SCOC: variants seen among roughly 807,000 people sequenced by gnomAD.
SCOC encodes the protein short coiled-coil protein.
Under a neutral mutation model 9.9 loss-of-function variants are expected in SCOC, and 7 were observed. The observed-to-expected ratio is 0.71, with a 90% CI of 0.40 to 1.33. The LOEUF (loss-of-function observed/expected upper bound fraction) is 1.33. Ranked by LOEUF, SCOC falls within the 40% of genes most tolerant of loss-of-function variation. The pLI, the probability that SCOC is intolerant of heterozygous loss-of-function variation, is 0.01. For missense variants in SCOC, 66 were observed against 89.7 expected (o/e 0.74, Z 1.07); for synonymous variants, 19 against 28.2 (o/e 0.67, Z 1.03).
chr4:140,283,095 C>A (rs916066583), intron 1 of SCOC, among the ~76,000 whole-genome samples: 13 of 152,170 alleles, frequency 8.5e-5, no homozygotes, highest in Non-Finnish European at 1.8e-4. Context: ...CAGGTTTATA[C>A]ATTTTCTTTC....
At chr4:140,298,902 T>A (rs930966503) in intron 1 of SCOC, among the ~76,000 whole-genome samples, 9 of 152,170 alleles carry the variant, frequency 5.9e-5, no homozygotes, top group Non-Finnish European at 7.4e-5. Context: ...TGCAGCCTCG[T>A]CCTCCTGGGG....
chr4:140,362,306 T>TCTTCTTCTTCTTC (rs1276341362), intron 2 of SCOC, among the ~76,000 whole-genome samples: 1 of 52,536 alleles, frequency 1.9e-5, no homozygotes, highest in Non-Finnish European at 4.4e-5. Flanking sequence ...CTTCTTTTTT[T>TCTTCTTCTTCTTC]TTTTTTTTTG....
intron 1 of SCOC, among the ~76,000 whole-genome samples, chr4:140,294,487 C>T (rs918684128): frequency 5.9e-5 from 9 of 152,066 alleles, no homozygotes; most frequent in African/African-American, 1.2e-4. Context: ...AAAAATGGGC[C>T]CTAGAGAGTT....
At position 140,344,298 on chromosome 4, in the gene SCOC, C is replaced by T. The variant is rs191666862; in HGVS notation, c.70+590C>T. 2.7e-3 allele frequency among the ~76,000 whole-genome samples: 409 copies of T among 152,238 alleles called. 3 individuals carry two copies. The highest frequency in any genetic ancestry group is 9.1e-3 in the African/African-American group (380 of 41,540). ...GTTAACTGGAAACACTTCAAACCTA[C>T]AAGCACCCAAGTCCTTGGGTGTGTG... On this transcript the variant is annotated intron_variant, in intron 2 of 4. Coordinates refer to the SCOC transcript ENST00000338517.
intron 1 of SCOC, among the ~76,000 whole-genome samples, chr4:140,337,465 G>A (rs1024909568): frequency 6.6e-6 from 1 of 152,152 alleles, no homozygotes; most frequent in South Asian, 2.1e-4. Context: ...TGTGGTACTG[G>A]CATAAAAGTA....
At chr4:140,276,163 C>T (rs530528025) in intron 1 of SCOC, among the ~76,000 whole-genome samples, 6 of 152,186 alleles carry the variant, frequency 3.9e-5, no homozygotes, top group African/African-American at 7.2e-5. Flanking sequence ...CCACCACGCC[C>T]GTCTAAATTT....
At chr4:140,258,326 C>A (rs1268382473) in intron 1 of SCOC, among the ~76,000 whole-genome samples, 1 of 152,230 alleles carries the variant, frequency 6.6e-6, no homozygotes, top group Non-Finnish European at 1.5e-5. Context: ...GAAGTACAAC[C>A]TCATCTACCA....
In SCOC at chr4:140,382,892, G is replaced by C. The variant is rs1015992968; in HGVS notation, c.*1788G>C. The C allele has an allele frequency of 6.6e-6, 1 of 152,214 alleles. No individual in the cohort carries two copies. The highest frequency in any genetic ancestry group is 2.1e-4 in the South Asian group (1 of 4,836). The allele number at this position is 152,214 out of a possible 1,614,324, so 9.4% of individuals were successfully genotyped here. On this transcript the variant is annotated 3_prime_UTR_variant, in exon 4 of 4. Transcript: ENST00000608372. ...ATAGAAGTTTCTCTCCCAACCAGTG[G>C]TTCCAAGGTCAGCATTGCAGGCTAG...
At chr4:140,297,487 T>C (rs1473524111) in intron 1 of SCOC, among the ~76,000 whole-genome samples, 1 of 152,178 alleles carries the variant, frequency 6.6e-6, no homozygotes, top group Non-Finnish European at 1.5e-5. Flanking sequence ...CCACTCTTCA[T>C]TTTTTGCATG....
chr4:140,285,189 G>T (rs766091616), intron 1 of SCOC: 3 of 456,626 alleles, frequency 6.6e-6, no homozygotes, highest in African/African-American at 6.0e-5. Flanking sequence ...CTCCAAAGTT[G>T]TGTTCGATAG....
chr4:140,323,068 A>C (rs1732546779), intron 1 of SCOC, among the ~76,000 whole-genome samples: 1 of 152,158 alleles, frequency 6.6e-6, no homozygotes, highest in Non-Finnish European at 1.5e-5. Flanking sequence ...TATAGTTTGG[A>C]TGTTTGTCCC....
chr4:140,309,100 G>C (rs1416321785), intron 1 of SCOC, among the ~76,000 whole-genome samples: 2 of 152,286 alleles, frequency 1.3e-5, no homozygotes, highest in African/African-American at 4.8e-5. Context: ...ATCTGGAAAG[G>C]TATCATTGAG....
chr4:140,324,328 C>G (rs982257029), intron 1 of SCOC, among the ~76,000 whole-genome samples: 4 of 152,118 alleles, frequency 2.6e-5, no homozygotes, highest in Non-Finnish European at 5.9e-5. Context: ...TATCCCCAAT[C>G]AACACCAGAC....
chr4:140,307,299 G>A (rs1409708176), intron 1 of SCOC, among the ~76,000 whole-genome samples: 2 of 152,150 alleles, frequency 1.3e-5, no homozygotes, highest in Admixed American at 6.5e-5. Flanking sequence ...TGATCTTCTG[G>A]TAGAGCATAC....
At chr4:140,339,790 G>A (rs1726430134), upstream of SCOC, among the ~76,000 whole-genome samples, 1 of 152,224 alleles carries the variant, frequency 6.6e-6, no homozygotes, top group Non-Finnish European at 1.5e-5. Context: ...TCATTAAAAA[G>A]TCAGGGAACG....
intron 1 of SCOC, among the ~76,000 whole-genome samples, chr4:140,333,603 A>T (rs1199372402): frequency 6.6e-6 from 1 of 152,176 alleles, no homozygotes; most frequent in Non-Finnish European, 1.5e-5. Context: ...TTATATACTG[A>T]CTAAAAGTTA....
At chr4:140,370,279 T>G (rs1318050693), upstream of SCOC, among the ~76,000 whole-genome samples, 1 of 152,172 alleles carries the variant, frequency 6.6e-6, no homozygotes, top group East Asian at 1.9e-4. Context: ...TGATACACAG[T>G]GGAGTCTATT....
intron 1 of SCOC, among the ~76,000 whole-genome samples, chr4:140,272,574 CA>C (rs1201714350): frequency 6.6e-6 from 1 of 152,180 alleles, no homozygotes; most frequent in Non-Finnish European, 1.5e-5. Context: ...TTCAGAAGGG[CA>C]GAGGTATTTG....
At chr4:140,324,779 A>T (rs1019437924) in intron 1 of SCOC, among the ~76,000 whole-genome samples, 3 of 152,148 alleles carry the variant, frequency 2.0e-5, no homozygotes, top group Non-Finnish European at 4.4e-5. Context: ...TGTAGATTCC[A>T]TGAAATCCCA....
Sources: gnomAD v4.1 joint callset for allele counts (sites outside exome capture counted in the v4.1 genomes callset) on GRCh38, gnomAD v4.1.1 for gene constraint, MANE v1.5 for transcripts, NCBI Gene and HGNC (gene_info 2026-07-23, HGNC 2026-07-21) for gene names.